The following TRAF3IP3 variants were observed in gnomAD, a reference collection of about 807,000 sequenced individuals.
TRAF3IP3 encodes TRAF3-interacting JNK-activating modulator.
In TRAF3IP3, 64 loss-of-function variants were observed where a neutral mutation model predicts 86.5. That is an observed-to-expected ratio of 0.74 (90% CI 0.60 to 0.91). The LOEUF is 0.91. TRAF3IP3 is among the 40% of genes least tolerant of loss of function. TRAF3IP3 has a pLI of 0.00. For synonymous variants in TRAF3IP3, 220 were observed against 243.9 expected (o/e 0.90, Z 0.91); for missense variants, 579 against 642.9 (o/e 0.90, Z 1.07).
rs6664900 is a variant in TRAF3IP3, at chr1:209,768,038, C to T, written c.702+4451C>T. ...AAAGAAAAACAGTCTCAGACTTTTT[C>T]AGTTAACAGCTATTGTTTCCCCTAA... is the stretch of plus-strand genomic sequence containing the variant. On this transcript the variant is annotated intron_variant, in intron 8 of 16. Transcript: ENST00000367025. 4,760 of 716,402 alleles carry T rather than the reference C, an allele frequency of 6.6e-3. 185 individuals carry two copies. The African/African-American group carries it at 0.081, about 12-fold the overall frequency. The allele number at this position is 716,402 out of a possible 1,614,324, so 44.4% of individuals were successfully genotyped here. A position where few individuals can be genotyped will look rare whatever the true frequency, so the allele number is the denominator to read the frequency against.
intron 14 of TRAF3IP3, chr1:209,779,834 C>T (rs541133390): frequency 3.4e-4 from 95 of 276,758 alleles, no homozygotes; most frequent in Non-Finnish European, 5.5e-4. Flanking sequence ...CCACTACACA[C>T]GACCTTTTGT....
intron 9 of TRAF3IP3, among the ~76,000 whole-genome samples, chr1:209,774,028 A>G (rs145563457): frequency 1.4e-4 from 21 of 152,320 alleles, no homozygotes; most frequent in Middle Eastern, 6.8e-3. Flanking sequence ...GACAATTCCA[A>G]AGCTAAATGG....
At position 209,779,338 on chromosome 1, in the gene TRAF3IP3, C is replaced by T. The variant is rs2077727163; in HGVS notation, c.1276C>T (p.Gln426Ter). 1.9e-6 allele frequency: 3 copies of T among 1,614,146 alleles called. No homozygotes were observed. Among genetic ancestry groups the T allele is most frequent in the Non-Finnish European group, 2.5e-6 (3 of 1,179,982 alleles). The change falls in exon 14 of 17, where the codon CAG (glutamine) becomes TAG (stop). Residue 426 changes from glutamine (Q) to a stop codon, truncating the protein, a stop_gained. Coordinates refer to ENST00000367025, the MANE Select transcript of TRAF3IP3 (RefSeq NM_025228.4). LOFTEE classifies it high-confidence loss of function. ...AGGTTTGCTTCAAAATCAATCCTTA[C>T]AGCTTCAAGAACAGGAGAAACTCTT... ...LQGLLQNQSLQLQEQEKLLTK... is the reference protein window; with the variant it reads ...LQGLLQNQSL
rs77862409 is a variant in TRAF3IP3 at position 209,780,686 on chromosome 1, T to A, written c.1449+80T>A. The A allele has an allele frequency of 2.3e-3, 3,130 of 1,359,850 alleles. 55 individuals carry two copies. In the African/African-American group the frequency reaches 0.041, roughly 18 times the overall value. The allele number at this position is 1,359,850 out of a possible 1,614,324, so 84.2% of individuals were successfully genotyped here. A position where few individuals can be genotyped will look rare whatever the true frequency, so the allele number is the denominator to read the frequency against. ...TGGGAGGCAGTCAAAAAGCAGGGAT[T>A]TCAAAGTTTAAGTTGTGAGTGGATA... On this transcript the variant is annotated intron_variant, in intron 15 of 16. Coordinates refer to ENST00000367025, the MANE Select transcript of TRAF3IP3 (RefSeq NM_025228.4).
At position 209,757,120 on chromosome 1, in the gene TRAF3IP3, C is replaced by T. The variant is rs1198289286; in HGVS notation, c.-160+811C>T. Among the ~76,000 whole-genome samples the T allele has an allele frequency of 4.6e-5, 7 of 152,212 alleles. No homozygotes were observed. In the South Asian group the frequency reaches 1.4e-3, roughly 32 times the overall value. Reference sequence around the variant, plus strand: ...GTAGGGTTCTATGCAGCATGCTGCACCAAATCCTAGCAGGTGTGGTAGCCA... The same window carrying T: ...GTAGGGTTCTATGCAGCATGCTGCATCAAATCCTAGCAGGTGTGGTAGCCA... On this transcript the variant is annotated intron_variant, in intron 1 of 16. Transcript: ENST00000367025.
At chr1:209,779,743 A>G (rs1175085752) in intron 14 of TRAF3IP3, 1 of 558,466 alleles carries the variant, frequency 1.8e-6, no homozygotes, top group African/African-American at 1.9e-5. Flanking sequence ...GAGTCAACTC[A>G]CTGTTAGCCC....
chr1:209,779,516 A>T (rs1402884687), intron 14 of TRAF3IP3, 142 bp downstream of exon 14: 12 of 749,340 alleles, frequency 1.6e-5, no homozygotes, highest in Non-Finnish European at 2.9e-5. Context: ...GAGCTTTTTA[A>T]GGACTGATCA....
chr1:209,778,178 G>T lies in TRAF3IP3; in HGVS notation c.1252+5G>T. 6.2e-7 allele frequency: 1 copy of T among 1,613,868 alleles called. No homozygotes were observed. Among genetic ancestry groups the T allele is most frequent in the Non-Finnish European group, 8.5e-7 (1 of 1,179,816 alleles). On this transcript the variant is annotated splice_donor_5th_base_variant and intron_variant, in intron 13 of 16. Coordinates refer to ENST00000367025, the MANE Select transcript of TRAF3IP3 (RefSeq NM_025228.4). ...CCAGAGTACAGCAGTTGCAGGGTAAGTTCGCTTTCCAGATTCTGAAAGTCC... is the reference window on the plus strand; with the variant it reads ...CCAGAGTACAGCAGTTGCAGGGTAATTTCGCTTTCCAGATTCTGAAAGTCC...
intron 8 of TRAF3IP3, among the ~76,000 whole-genome samples, chr1:209,771,310 GGTGT>G (rs369877272): frequency 0.1 from 14,516 of 142,686 alleles, 2,006 homozygotes; most frequent in African/African-American, 0.32. Context: ...TGCATGTGAA[GGTGT>G]GTGTGTGCAT....
intron 1 of TRAF3IP3, among the ~76,000 whole-genome samples, chr1:209,756,934 C>A (rs1045154444): frequency 1.3e-5 from 2 of 152,212 alleles, no homozygotes; most frequent in South Asian, 2.1e-4. Flanking sequence ...CAGGGGGGAA[C>A]CTGAGAGATG....
Position 209,774,071 on chromosome 1 carries a change from CA to C in TRAF3IP3, c.774+1053del, listed in dbSNP as rs199821912. Among the ~76,000 whole-genome samples, 1,135 of 152,304 alleles carry C rather than the reference CA, an allele frequency of 7.5e-3. 11 individuals are homozygous for C. Among genetic ancestry groups the C allele is most frequent in the African/African-American group, 0.025 (1,053 of 41,560 alleles). On this transcript the variant is annotated intron_variant, in intron 9 of 16. Coordinates refer to ENST00000367025, the MANE Select transcript of TRAF3IP3 (RefSeq NM_025228.4). ...TTCATATTGATCCCTAAATTGTTGT[CA>C]TCTGGTCTACTGCTTACACAGTAGG... is the stretch of plus-strand genomic sequence containing the variant.
At chr1:209,763,614 A>T in intron 8 of TRAF3IP3, 27 bp downstream of exon 8, 1 of 1,553,914 alleles carries the variant, frequency 6.4e-7, no homozygotes, top group Non-Finnish European at 8.7e-7. Flanking sequence ...CTTTTTGAAC[A>T]AAGCTTGGGC....
At position 209,763,188 on chromosome 1, in the gene TRAF3IP3, T is replaced by A. The variant is rs143289617; in HGVS notation, c.576+96T>A. On this transcript the variant is annotated intron_variant, in intron 6 of 16. Coordinates refer to ENST00000367025, the MANE Select transcript of TRAF3IP3 (RefSeq NM_025228.4). ...TAAACTTGGCTGGGATGGAGGGGCA[T>A]CTTCTTCCTGGATGGCAAGGGGGTA... 5.4e-5 allele frequency: 79 copies of A among 1,454,018 alleles called. No homozygotes were observed. In the Middle Eastern group the frequency reaches 8.6e-4, roughly 16 times the overall value. The allele number at this position is 1,454,018 out of a possible 1,614,324, so 90.1% of individuals were successfully genotyped here. A position where few individuals can be genotyped will look rare whatever the true frequency, so the allele number is the denominator to read the frequency against.
At chr1:209,780,942 C>T (rs538933065) in intron 15 of TRAF3IP3, 2 of 184,798 alleles carry the variant, frequency 1.1e-5, no homozygotes, top group South Asian at 2.4e-4. Context: ...AAAACTCTTC[C>T]TTTGTACATA....
rs759490333 is a variant in TRAF3IP3 at position 209,780,486 on chromosome 1, G to A, written c.1329G>A (p.Val443=). Residue 443 remains valine, a synonymous_variant, in exon 15 of 17, where the codon GTG becomes GTA. Transcript: ENST00000367025. ...CTTTTTTAGATCAGGCTTTGCCCGTGTGGAGTCCAAAGTCCTTCCCTAACG... is the reference window on the plus strand; with the variant it reads ...CTTTTTTAGATCAGGCTTTGCCCGTATGGAGTCCAAAGTCCTTCCCTAACG... ...LLTKKDQALP[V]WSPKSFPNEV... The A allele has an allele frequency of 3.8e-6, 6 of 1,595,716 alleles. No homozygotes were observed. The highest frequency in any genetic ancestry group is 1.4e-5 in the African/African-American group (1 of 74,006).
chr1:209,773,433 T>C (rs998855518), intron 9 of TRAF3IP3, among the ~76,000 whole-genome samples: 15 of 152,230 alleles, frequency 9.9e-5, no homozygotes, highest in African/African-American at 3.6e-4. Context: ...ATTCCATGGG[T>C]AACTTTTTTC....
chr1:209,760,311 G>C lies in TRAF3IP3; in HGVS notation c.272G>C (p.Arg91Thr), dbSNP rs1234539851. 1 of 1,614,072 alleles carries C rather than the reference G, an allele frequency of 6.2e-7. No homozygotes were observed. Among genetic ancestry groups the C allele is most frequent in the East Asian group, 2.2e-5 (1 of 44,870 alleles). The change falls in exon 3 of 17, where the codon AGG becomes ACG. Residue 91 changes from arginine (R) to threonine (T), a missense_variant. By Grantham distance (71) the Arg-to-Thr change is moderately conservative. Transcript: ENST00000367025. ...CAGGCCAGGGAGCAAGGGCCCTCCA[G>C]GCGGCCAGGACAGGTGACTGTCCTC... ...HPQAREQGPS[R>T]RPGQVTVLKE...
intron 11 of TRAF3IP3, chr1:209,777,100 A>G (rs2077669213): frequency 1.6e-5 from 4 of 253,782 alleles, no homozygotes; most frequent in Middle Eastern, 1.3e-3. Context: ...TCTAAAAATA[A>G]AAATAAATAA....
chr1:209,756,419 T>C (rs1384472055), intron 1 of TRAF3IP3, 110 bp downstream of exon 1: 1 of 152,126 alleles, frequency 6.6e-6, no homozygotes. Flanking sequence ...GTGGGTGGCA[T>C]AGTTTAAGGG....
Sources: gnomAD v4.1 joint callset for allele counts (sites outside exome capture counted in the v4.1 genomes callset) on GRCh38, gnomAD v4.1.1 for gene constraint, MANE v1.5 for transcripts, NCBI Gene and HGNC (gene_info 2026-07-23, HGNC 2026-07-21) for gene names.